Variants in KPNA7 observed in about 807,000 individuals in gnomAD.
KPNA7 encodes the protein importin subunit alpha-8.
A neutral mutation model predicts 53.7 loss-of-function variants in KPNA7; 54 were observed. The ratio of observed to expected loss-of-function variants is 1.01; its 90% CI spans 0.81 to 1.26. KPNA7 has a LOEUF of 1.26. KPNA7 is among the 50% of genes most tolerant of loss of function. The pLI is 0.00. For synonymous variants in KPNA7, 276 were observed against 259.3 expected (o/e 1.06, Z -0.62); for missense variants, 640 against 644.5 (o/e 0.99, Z 0.07).
At chr7:99,187,354 C>G (rs1351715014) in intron 7 of KPNA7, among the ~76,000 whole-genome samples, 1 of 151,954 alleles carries the variant, frequency 6.6e-6, no homozygotes, top group African/African-American at 2.4e-5. Context: ...CTGCCTATAT[C>G]TGAGCTAGTC....
At chr7:99,159,882 T>C in the KPNA7 span, among the ~76,000 whole-genome samples, 1 of 151,720 alleles carries the variant, frequency 6.6e-6, no homozygotes, top group African/African-American at 2.4e-5. Context: ...ATTTATAAGT[T>C]CCCCCCAAGC....
chr7:99,149,780 G>GT, the KPNA7 span, among the ~76,000 whole-genome samples: 1 of 152,068 alleles, frequency 6.6e-6, no homozygotes, highest in African/African-American at 2.4e-5. Context: ...GCATCAAGTT[G>GT]TTTTTTGTTG....
upstream of KPNA7, among the ~76,000 whole-genome samples, chr7:99,209,686 A>G (rs1304819964): frequency 1.6e-4 from 11 of 69,444 alleles, no homozygotes; most frequent in Admixed American, 1.3e-3. Flanking sequence ...CCAACTCAAA[A>G]AAAAAAAAAA....
the KPNA7 span, among the ~76,000 whole-genome samples, chr7:99,163,833 A>T: frequency 6.6e-6 from 1 of 151,898 alleles, no homozygotes; most frequent in African/African-American, 2.4e-5. Context: ...ATCATTTTCT[A>T]CTCCTCATGG....
chr7:99,179,178 T>A (rs1012377461), intron 9 of KPNA7, among the ~76,000 whole-genome samples: 4 of 152,152 alleles, frequency 2.6e-5, no homozygotes, highest in Admixed American at 1.3e-4. Context: ...GAAAATTACA[T>A]TAAAAAGATG....
chr7:99,214,788 G>A (rs1358187155), intron 1 of KPNA7, among the ~76,000 whole-genome samples: 1 of 148,534 alleles, frequency 6.7e-6, no homozygotes, highest in African/African-American at 2.5e-5. Context: ...CACCACTATG[G>A]GTGGCACTTA....
Position 99,173,771 on chromosome 7 carries a change from T to C in KPNA7, c.1488A>G (p.Leu496=), listed in dbSNP as rs1405922423. The C allele has an allele frequency of 6.4e-7, 1 of 1,551,186 alleles. No homozygotes were observed. ...FGEEEDESQT[L]LSQVIDQDYE... ...AATCTTGGTCTATGACTTGGCTCAGTAAAGTTTGGCTCTCATCTTCTTCCT... is the reference window on the plus strand; with the variant it reads ...AATCTTGGTCTATGACTTGGCTCAGCAAAGTTTGGCTCTCATCTTCTTCCT... Residue 496 remains leucine, a synonymous_variant, in exon 11 of 11, where the codon TTA becomes TTG. Transcript: ENST00000327442.
Position 99,195,356 on chromosome 7 carries a change from G to C in KPNA7, c.285-18C>G. 6.5e-7 allele frequency: 1 copy of C among 1,548,108 alleles called. No individual in the cohort carries two copies. Among genetic ancestry groups the C allele is most frequent in the Non-Finnish European group, 8.7e-7 (1 of 1,144,330 alleles). On this transcript the variant is annotated intron_variant, in intron 4 of 10. Coordinates refer to ENST00000327442, the MANE Select transcript of KPNA7 (RefSeq NM_001145715.3). ...GCATTTTCCTATGCAATGAAAGAGA[G>C]GGCAGGGGAGGGGGAGGTCAAGTGA...
At chr7:99,159,021 C>T in the KPNA7 span, among the ~76,000 whole-genome samples, 32 of 152,084 alleles carry the variant, frequency 2.1e-4, no homozygotes, top group East Asian at 2.3e-3. Context: ...CACACCACGA[C>T]GCCCGGCTAA....
At chr7:99,213,073 A>G (rs146988305), upstream of KPNA7, among the ~76,000 whole-genome samples, 236 of 152,174 alleles carry the variant, frequency 1.6e-3, no homozygotes, top group African/African-American at 4.6e-3. Context: ...TAGGGCATTT[A>G]TAAGTCTGGA....
At chr7:99,218,850 T>C (rs1465062245) in intron 1 of KPNA7, among the ~76,000 whole-genome samples, 2 of 152,222 alleles carry the variant, frequency 1.3e-5, no homozygotes, top group Non-Finnish European at 2.9e-5. Flanking sequence ...AAGAGCAAGA[T>C]ATCTGATCAG....
intron 3 of KPNA7, among the ~76,000 whole-genome samples, chr7:99,201,988 G>A (rs981628510): frequency 1.3e-5 from 2 of 152,258 alleles, no homozygotes; most frequent in Admixed American, 1.3e-4. Flanking sequence ...GACTACAGGT[G>A]TGAACCACTG....
chr7:99,157,750 CAT>C, the KPNA7 span, among the ~76,000 whole-genome samples: 1 of 152,078 alleles, frequency 6.6e-6, no homozygotes, highest in Admixed American at 6.6e-5. Flanking sequence ...CTTGATCTTT[CAT>C]ATATGACTTC....
intron 9 of KPNA7, among the ~76,000 whole-genome samples, chr7:99,178,654 C>A (rs1378248321): frequency 6.6e-6 from 1 of 151,652 alleles, no homozygotes; most frequent in Admixed American, 6.6e-5. Flanking sequence ...CAAGATCTTG[C>A]TGCATTACCC....
At chr7:99,183,108 T>G (rs1789360624) in intron 8 of KPNA7, among the ~76,000 whole-genome samples, 1 of 151,976 alleles carries the variant, frequency 6.6e-6, no homozygotes, top group African/African-American at 2.4e-5. Flanking sequence ...TACAAAAAAT[T>G]AGCCGGGTGT....
chr7:99,177,966 T>G lies in KPNA7; in HGVS notation c.1418A>C (p.Gln473Pro). The G allele has an allele frequency of 6.4e-7, 1 of 1,552,018 alleles. No individual in the cohort carries two copies. The highest frequency in any genetic ancestry group is 1.4e-5 in the African/African-American group (1 of 73,114). Residue 473 changes from glutamine to proline, a missense_variant, in exon 10 of 11, where the codon CAA becomes CCA. Physicochemically the swap from Gln to Pro is moderately conservative, Grantham distance 76. Transcript: ENST00000327442. ...GATGTTCAAAGCCGACTGGCCAATT[T>G]GACGGTTCTCATGCAGCTGTAAAGC... ...IEALQLHENR[Q>P]IGQSALNIIE...
At chr7:99,167,205 T>C in the KPNA7 span, among the ~76,000 whole-genome samples, 1 of 152,130 alleles carries the variant, frequency 6.6e-6, no homozygotes, top group Non-Finnish European at 1.5e-5. Context: ...CCCCACTGTC[T>C]CCTCTGCCTG....
Position 99,173,738 on chromosome 7 carries a change from A to G in KPNA7, c.1521T>C (p.Phe507=). 2.6e-6 allele frequency: 4 copies of G among 1,551,708 alleles called. No individual in the cohort carries two copies. The highest frequency in any genetic ancestry group is 3.5e-6 in the Non-Finnish European group (4 of 1,146,800). ...LSQVIDQDYE[F]IDYECLAKK ...TTTTTGCTAAGCATTCATAATCTAT[A>G]AATTCATAATCTTGGTCTATGACTT... Residue 507 remains phenylalanine (F), a synonymous_variant, in exon 11 of 11, where the codon TTT becomes TTC. Coordinates refer to ENST00000327442, the MANE Select transcript of KPNA7 (RefSeq NM_001145715.3).
At chr7:99,192,664 C>T (rs1405794104) in intron 6 of KPNA7, among the ~76,000 whole-genome samples, 1 of 152,128 alleles carries the variant, frequency 6.6e-6, no homozygotes, top group Non-Finnish European at 1.5e-5. Context: ...TCTGTCTTGG[C>T]CTAGCAAGCA....
Sources: gnomAD v4.1 joint callset for allele counts (sites outside exome capture counted in the v4.1 genomes callset) on GRCh38, gnomAD v4.1.1 for gene constraint, MANE v1.5 for transcripts, NCBI Gene and HGNC (gene_info 2026-07-23, HGNC 2026-07-21) for gene names.